The following HFM1 variants were observed in gnomAD, a reference collection of about 807,000 sequenced individuals.
HFM1 encodes the protein helicase for meiosis 1, also known as probable ATP-dependent DNA helicase HFM1.
In HFM1, 169 loss-of-function variants were observed where a neutral mutation model predicts 192.1. The observed-to-expected ratio is 0.88, with a 90% confidence interval of 0.78 to 1.00. The LOEUF (loss-of-function observed/expected upper bound fraction) is 1.00. HFM1 is among the 50% of genes least tolerant of loss of function. The pLI, the probability that HFM1 is intolerant of heterozygous loss-of-function variation, is 0.00. For missense variants in HFM1, 1,661 were observed against 1,668.0 expected (o/e 1.00, Z 0.07); for synonymous variants, 525 against 537.8 (o/e 0.98, Z 0.33).
rs773875461 is a variant in HFM1 at position 91,352,629 on chromosome 1, C to T, written c.1854G>A (p.Met618Ile). The change falls in exon 16 of 39, where the codon ATG (methionine) becomes ATA (isoleucine). Residue 618 changes from methionine to isoleucine, a missense_variant. Transcript: ENST00000370425. ...PVLFTTSTLA[M>I]GVNLPAHLVV... The stretch of plus-strand genomic sequence containing the variant: ...CTAGGTGAGCAGGCAAATTTACTCC[C>T]ATAGCTAAAGTACTGGTAGTAACTG... 1.2e-6 allele frequency: 2 copies of T among 1,607,508 alleles called. No homozygotes were observed. The highest frequency in any genetic ancestry group is 1.7e-6 in the Non-Finnish European group (2 of 1,176,700).
rs555086510 is a variant in HFM1 at position 91,292,033 on chromosome 1, G to T, written c.3392-14971C>A. The stretch of plus-strand genomic sequence containing the variant: ...ATGCTAAAAACTCTCAATAAATTAG[G>T]TATTGATGGGACGTATCTCAAAATA... On this transcript the variant is annotated intron_variant, in intron 30 of 38. Transcript: ENST00000370425. 1.5e-3 allele frequency among the ~76,000 whole-genome samples: 224 copies of T among 152,180 alleles called. 2 individuals carry two copies. Among genetic ancestry groups the T allele is most frequent in the African/African-American group, 5.0e-3 (208 of 41,516 alleles).
At chr1:91,407,246 T>C (rs185939276), upstream of HFM1, among the ~76,000 whole-genome samples, 137 of 152,000 alleles carry the variant, frequency 9.0e-4, no homozygotes, top group East Asian at 4.9e-3. Context: ...TTGGGAGAAA[T>C]ACTTAATGTA....
At chr1:91,281,003 T>C (rs775822119) in intron 30 of HFM1, among the ~76,000 whole-genome samples, 52 of 152,330 alleles carry the variant, frequency 3.4e-4, no homozygotes, top group Admixed American at 6.5e-4. Context: ...ATTTAGATTC[T>C]AAGAGCTATG....
chr1:91,356,735 A>C (rs557437726), intron 13 of HFM1, among the ~76,000 whole-genome samples: 51 of 152,030 alleles, frequency 3.4e-4, no homozygotes, highest in African/African-American at 1.2e-3. Flanking sequence ...AAAAAGAAGA[A>C]ACAAATAAAA....
At chr1:91,381,104 C>A in intron 6 of HFM1, 122 bp from the exon 7 acceptor site, 1 of 582,480 alleles carries the variant, frequency 1.7e-6, no homozygotes, top group Non-Finnish European at 3.1e-6. Flanking sequence ...TTAACATTTG[C>A]TATCTGGCAT....
At chr1:91,386,013 T>C (rs1286309704) in intron 4 of HFM1, among the ~76,000 whole-genome samples, 179 bp from the exon 5 acceptor site, 2 of 152,222 alleles carry the variant, frequency 1.3e-5, no homozygotes, top group African/African-American at 2.4e-5. Context: ...TATGTCTTTC[T>C]ACTTTCCTAA....
At chr1:91,293,998 A>G (rs542805592) in intron 30 of HFM1, among the ~76,000 whole-genome samples, 1 of 147,274 alleles carries the variant, frequency 6.8e-6, no homozygotes, top group South Asian at 2.2e-4. Context: ...GAAATGAACA[A>G]TGAGAACACA....
At chr1:91,291,700 T>A (rs1219560998) in intron 30 of HFM1, among the ~76,000 whole-genome samples, 5 of 152,056 alleles carry the variant, frequency 3.3e-5, no homozygotes, top group Admixed American at 2.6e-4. Flanking sequence ...TAACTCATTT[T>A]ATGAGGCCAG....
At chr1:91,340,162 T>C (rs1314587547) in intron 20 of HFM1, among the ~76,000 whole-genome samples, 1 of 152,118 alleles carries the variant, frequency 6.6e-6, no homozygotes, top group Non-Finnish European at 1.5e-5. Context: ...CATGCCATCA[T>C]GCTCAGCTAA....
intron 20 of HFM1, chr1:91,329,014 G>C (rs1432664194): frequency 6.2e-7 from 1 of 1,612,164 alleles, no homozygotes; most frequent in Non-Finnish European, 8.5e-7. Context: ...ACCTGAGCTG[G>C]ATTCTGCAGG....
intron 2 of HFM1, 36 bp downstream of exon 2, chr1:91,400,975 TA>T: frequency 9.9e-7 from 1 of 1,014,654 alleles, no homozygotes; most frequent in Non-Finnish European, 1.5e-6. Context: ...AACCCTAAAG[TA>T]ATATACTATG....
intron 13 of HFM1, among the ~76,000 whole-genome samples, chr1:91,355,945 C>A (rs748833987): frequency 5.3e-5 from 8 of 152,038 alleles, no homozygotes; most frequent in Non-Finnish European, 7.4e-5. Flanking sequence ...AAACATTCTA[C>A]AGGACAGATC....
At chr1:91,292,116 G>A (rs956264827) in intron 30 of HFM1, among the ~76,000 whole-genome samples, 4 of 151,704 alleles carry the variant, frequency 2.6e-5, no homozygotes, top group Non-Finnish European at 5.9e-5. Context: ...ACAAAAACTG[G>A]AAGCATTCCC....
chr1:91,333,130 A>G (rs1654069567), intron 20 of HFM1, among the ~76,000 whole-genome samples: 1 of 152,144 alleles, frequency 6.6e-6, no homozygotes, highest in South Asian at 2.1e-4. Context: ...AAATCAGTAT[A>G]TCAAAGAGGT....
chr1:91,318,062 CG>C (rs1408729666), intron 25 of HFM1, among the ~76,000 whole-genome samples: 9 of 76,056 alleles, frequency 1.2e-4, no homozygotes, highest in African/African-American at 4.3e-4. Flanking sequence ...ATCACTTAGC[CG>C]AATTTCAAAA....
chr1:91,295,306 G>A (rs1161562193), intron 30 of HFM1, among the ~76,000 whole-genome samples: 1 of 152,128 alleles, frequency 6.6e-6, no homozygotes, highest in Non-Finnish European at 1.5e-5. Context: ...GGCAGATTGA[G>A]TGGCTTAAAC....
At chr1:91,322,439 T>C (rs1652262154) in intron 23 of HFM1, among the ~76,000 whole-genome samples, 1 of 152,202 alleles carries the variant, frequency 6.6e-6, no homozygotes, top group Admixed American at 6.5e-5. Flanking sequence ...CATTTGTGAC[T>C]GCAAACTGCT....
intron 2 of HFM1, among the ~76,000 whole-genome samples, chr1:91,399,051 C>T (rs192372778): frequency 1.6e-3 from 247 of 152,228 alleles, no homozygotes; most frequent in Non-Finnish European, 2.8e-3. Context: ...TGCCCCACTC[C>T]GATATCTACA....
chr1:91,340,186 T>A (rs1409612409), intron 20 of HFM1, among the ~76,000 whole-genome samples: 2 of 152,036 alleles, frequency 1.3e-5, no homozygotes, highest in Non-Finnish European at 2.9e-5. Flanking sequence ...TTAGAAAAAT[T>A]TTTTGTAGAG....
Sources: allele counts gnomAD v4.1 joint callset (sites outside exome capture counted in the v4.1 genomes callset), GRCh38; gene constraint gnomAD v4.1.1; transcripts MANE v1.5; gene names NCBI Gene and HGNC (gene_info 2026-07-23, HGNC 2026-07-21).